The following RALYL variants were observed in gnomAD, a reference collection of about 807,000 sequenced individuals.
The protein encoded by RALYL is RNA-binding Raly-like protein.
Under a neutral mutation model 35.1 loss-of-function variants are expected in RALYL, and 29 were observed. The ratio of observed to expected loss-of-function variants is 0.83; its 90% CI spans 0.61 to 1.13. The LOEUF (loss-of-function observed/expected upper bound fraction) is 1.13, where lower values mean the gene tolerates loss of function less well. RALYL is among the 50% of genes most tolerant of loss of function. The probability of loss-of-function intolerance (pLI) is 0.00; values close to 1 mark genes in which losing one functional copy is unlikely to be tolerated. For missense variants in RALYL, 359 were observed against 360.4 expected (o/e 1.00, Z 0.03); for synonymous variants, 120 against 127.6 (o/e 0.94, Z 0.40).
At chr8:84,549,733 G>T (rs551053559) in intron 2 of RALYL, among the ~76,000 whole-genome samples, 1 of 152,272 alleles carries the variant, frequency 6.6e-6, no homozygotes, top group South Asian at 2.1e-4. Context: ...GCAGTGCCCT[G>T]GCTGTGTATC....
At chr8:84,388,339 G>C (rs1335934945) in intron 1 of RALYL, among the ~76,000 whole-genome samples, 3 of 151,988 alleles carry the variant, frequency 2.0e-5, no homozygotes, top group African/African-American at 7.2e-5. Flanking sequence ...ATGATTTATA[G>C]TCCTTTGGGT....
At chr8:84,732,001 C>T (rs1035818343) in intron 2 of RALYL, among the ~76,000 whole-genome samples, 12 of 152,042 alleles carry the variant, frequency 7.9e-5, no homozygotes, top group Admixed American at 5.9e-4. Context: ...GTTTAATAAA[C>T]GTTTGTCCTT....
intron 3 of RALYL, among the ~76,000 whole-genome samples, chr8:84,781,993 T>A (rs1186384239): frequency 6.6e-6 from 1 of 151,658 alleles, no homozygotes; most frequent in Non-Finnish European, 1.5e-5. Flanking sequence ...CCACCTTGAG[T>A]AGCATTTAGA....
intron 2 of RALYL, among the ~76,000 whole-genome samples, chr8:84,761,617 C>T (rs566115739): frequency 6.6e-6 from 1 of 152,252 alleles, no homozygotes; most frequent in South Asian, 2.1e-4. Flanking sequence ...TTCATGACCA[C>T]TTTTTACCTT....
rs201950848 is a variant in RALYL, at chr8:84,415,591, CA to C, written c.-23-113707del. Among the ~76,000 whole-genome samples, 1,337 of 152,242 alleles carry C rather than the reference CA, an allele frequency of 8.8e-3. 20 individuals are homozygous for C. The highest frequency in any genetic ancestry group is 0.03 in the African/African-American group (1,240 of 41,548). ...CACCAGTTTCCTTGCCAGTATCTACCAGCCCATTCTGCAATTCTGACGGAAT... is the reference window on the plus strand; with the variant it reads ...CACCAGTTTCCTTGCCAGTATCTACCGCCCATTCTGCAATTCTGACGGAAT... On this transcript the variant is annotated intron_variant, in intron 1 of 8. Transcript: ENST00000521268.
At chr8:84,860,086 C>T (rs1837818505) in intron 5 of RALYL, among the ~76,000 whole-genome samples, 1 of 152,070 alleles carries the variant, frequency 6.6e-6, no homozygotes, top group Non-Finnish European at 1.5e-5. Context: ...TTTGGTAATC[C>T]TTGGCTGGGG....
chr8:84,382,714 T>C (rs930069675), intron 1 of RALYL, among the ~76,000 whole-genome samples: 25 of 151,692 alleles, frequency 1.6e-4, no homozygotes, highest in African/African-American at 6.0e-4. Context: ...GCCAGGCATT[T>C]CACTTATCTT....
intron 2 of RALYL, among the ~76,000 whole-genome samples, chr8:84,599,355 T>G (rs2130712753): frequency 6.6e-6 from 1 of 152,114 alleles, no homozygotes; most frequent in African/African-American, 2.4e-5. Flanking sequence ...ATAGCATCAC[T>G]TTGTACTTCT....
intron 7 of RALYL, among the ~76,000 whole-genome samples, chr8:84,886,930 T>C (rs1357101345): frequency 6.6e-6 from 1 of 152,188 alleles, no homozygotes; most frequent in Non-Finnish European, 1.5e-5. Context: ...GGGTTAATCA[T>C]TTCCACTTTG....
intron 3 of RALYL, among the ~76,000 whole-genome samples, chr8:84,797,608 A>C (rs1198952897): frequency 6.6e-6 from 1 of 152,192 alleles, no homozygotes; most frequent in Non-Finnish European, 1.5e-5. Flanking sequence ...TTTGAAATGC[A>C]TATGAAAATT....
In RALYL at chr8:84,714,013, AACACACACACACATACTCACACACAC is replaced by A. The variant is rs1240504676; in HGVS notation, c.257-60557_257-60532del. Among the ~76,000 whole-genome samples, 3 of 151,160 alleles carry A rather than the reference AACACACACACACATACTCACACACAC, an allele frequency of 2.0e-5. No homozygotes were observed. In the East Asian group the frequency reaches 5.8e-4, roughly 29 times the overall value. ...AGATATATGTATCTCATATAGATAC[AACACACACACACATACTCACACACAC>A]ACACACACCCCAATGGAATACTATT... On this transcript the variant is annotated intron_variant, in intron 2 of 8. Coordinates refer to ENST00000521268, the MANE Select transcript of RALYL (RefSeq NM_173848.7).
chr8:84,505,603 G>T (rs2057100215), intron 1 of RALYL, among the ~76,000 whole-genome samples: 1 of 152,006 alleles, frequency 6.6e-6, no homozygotes, highest in Admixed American at 6.6e-5. Context: ...GTGCAAGTTT[G>T]TCACATGGGT....
chr8:84,737,376 T>C (rs1376360638), intron 2 of RALYL, among the ~76,000 whole-genome samples: 1 of 152,052 alleles, frequency 6.6e-6, no homozygotes, highest in African/African-American at 2.4e-5. Context: ...CCCTATGTAC[T>C]ACTAATAGTC....
At chr8:84,500,923 A>G (rs1017046329) in intron 1 of RALYL, among the ~76,000 whole-genome samples, 1 of 152,180 alleles carries the variant, frequency 6.6e-6, no homozygotes, top group African/African-American at 2.4e-5. Context: ...TCACACACAT[A>G]TATTATAATT....
At chr8:84,608,141 A>G (rs1306329349) in intron 2 of RALYL, among the ~76,000 whole-genome samples, 1 of 152,092 alleles carries the variant, frequency 6.6e-6, no homozygotes, top group Admixed American at 6.6e-5. Flanking sequence ...GGCCCCCCGA[A>G]TTTCCTGCAC....
At chr8:84,650,414 C>T (rs184937138) in intron 2 of RALYL, among the ~76,000 whole-genome samples, 18 of 152,154 alleles carry the variant, frequency 1.2e-4, no homozygotes, top group African/African-American at 4.3e-4. Flanking sequence ...AGGCGAAAGA[C>T]GTGAAAAGAC....
intron 1 of RALYL, among the ~76,000 whole-genome samples, chr8:84,525,411 T>A (rs912623165): frequency 6.6e-6 from 1 of 152,162 alleles, no homozygotes; most frequent in Admixed American, 6.5e-5. Flanking sequence ...AGCTCTCTAT[T>A]TTTTCTTTTT....
In RALYL at chr8:84,783,922, G is replaced by A. The variant is rs536554603; in HGVS notation, c.332+9268G>A. 6.6e-5 allele frequency among the ~76,000 whole-genome samples: 10 copies of A among 152,328 alleles called. 1 individual carries two copies. In the South Asian group the frequency reaches 1.9e-3, roughly 28 times the overall value. On this transcript the variant is annotated intron_variant, in intron 3 of 8. Transcript: ENST00000521268. The stretch of plus-strand genomic sequence containing the variant: ...GAAAAAGTGAGCAACCAGCCAGGAA[G>A]TCTAAAAGCTAGGGCTCAGGTTCAG...
chr8:84,479,045 C>G, intron 1 of RALYL, among the ~76,000 whole-genome samples: 1 of 121,132 alleles, frequency 8.3e-6, no homozygotes, highest in East Asian at 2.6e-4. Context: ...GAGATTGCAC[C>G]ACTGCACTCC....
Sources: gnomAD v4.1 joint callset for allele counts (sites outside exome capture counted in the v4.1 genomes callset) on GRCh38, gnomAD v4.1.1 for gene constraint, MANE v1.5 for transcripts, NCBI Gene and HGNC (gene_info 2026-07-23, HGNC 2026-07-21) for gene names.